MYT1L: variants seen among roughly 807,000 people sequenced by gnomAD.
MYT1L encodes the protein myelin transcription factor 1-like protein.
In MYT1L, 12 loss-of-function variants were observed where a neutral mutation model predicts 126.7. That is an observed-to-expected ratio of 0.09 (90% CI 0.06 to 0.15). The LOEUF is 0.15. Ranked by LOEUF, MYT1L falls within the 10% of genes least tolerant of loss-of-function variation. The pLI is 1.00. For missense variants in MYT1L, 979 were observed against 1,585.2 expected, an observed-to-expected ratio of 0.62 and a Z score of 6.49; for synonymous variants, 541 against 604.2, an observed-to-expected ratio of 0.90 and a Z score of 1.53.
intron 18 of MYT1L, among the ~76,000 whole-genome samples, chr2:1,877,949 G>A (rs1355274043): frequency 6.6e-6 from 1 of 152,156 alleles, no homozygotes; most frequent in Non-Finnish European, 1.5e-5. Context: ...GAGAAATATC[G>A]AAGATACAGG....
At chr2:1,905,722 C>A (rs2050965224) in intron 13 of MYT1L, among the ~76,000 whole-genome samples, 1 of 152,116 alleles carries the variant, frequency 6.6e-6, no homozygotes, top group African/African-American at 2.4e-5. Context: ...GCAAATATTG[C>A]CTGTACCTCT....
chr2:1,808,700 C>T (rs981951963), intron 22 of MYT1L, among the ~76,000 whole-genome samples: 3 of 152,106 alleles, frequency 2.0e-5, no homozygotes, highest in African/African-American at 7.2e-5. Context: ...GGGGTGCCAT[C>T]CTTGTTATCT....
chr2:2,276,011 G>T (rs913129439), intron 2 of MYT1L, among the ~76,000 whole-genome samples: 2 of 152,042 alleles, frequency 1.3e-5, no homozygotes, highest in Admixed American at 6.5e-5. Context: ...TGTGTTTGTT[G>T]CTTTATGGAG....
At chr2:2,141,454 A>G (rs533275528) in intron 3 of MYT1L, among the ~76,000 whole-genome samples, 207 of 152,220 alleles carry the variant, frequency 1.4e-3, no homozygotes, top group African/African-American at 4.7e-3. Flanking sequence ...ATCTCTATCT[A>G]TGTATTGCAT....
chr2:2,267,754 GC>G (rs2095169279), intron 2 of MYT1L, among the ~76,000 whole-genome samples: 1 of 152,128 alleles, frequency 6.6e-6, no homozygotes, highest in African/African-American at 2.4e-5. Flanking sequence ...GAAATATCCT[GC>G]AAGGAGGTGC....
intron 19 of MYT1L, among the ~76,000 whole-genome samples, chr2:1,844,529 C>T (rs1467379916): frequency 6.6e-6 from 1 of 152,178 alleles, no homozygotes; most frequent in Non-Finnish European, 1.5e-5. Flanking sequence ...TGAGCGGCCA[C>T]TTCCAGGTAT....
At chr2:2,100,781 A>G (rs1175108203) in intron 3 of MYT1L, among the ~76,000 whole-genome samples, 1 of 152,198 alleles carries the variant, frequency 6.6e-6, no homozygotes, top group African/African-American at 2.4e-5. Flanking sequence ...GGTCTCCTTA[A>G]TAAAATTTGG....
chr2:2,304,351 G>A (rs563087122), intron 1 of MYT1L, among the ~76,000 whole-genome samples: 1 of 152,186 alleles, frequency 6.6e-6, no homozygotes, highest in African/African-American at 2.4e-5. Flanking sequence ...GCTAGCTATT[G>A]GGATAAGAAG....
intron 3 of MYT1L, among the ~76,000 whole-genome samples, chr2:2,071,167 C>G (rs2074551160): frequency 6.6e-6 from 1 of 152,090 alleles, no homozygotes; most frequent in Non-Finnish European, 1.5e-5. Flanking sequence ...CCTCATAAAT[C>G]CTGACTAACT....
chr2:2,067,401 C>A (rs2074012470), intron 3 of MYT1L, among the ~76,000 whole-genome samples: 2 of 152,124 alleles, frequency 1.3e-5, no homozygotes, highest in South Asian at 4.1e-4. Flanking sequence ...ATTCTCACAT[C>A]ATATGCAAAG....
At chr2:2,087,565 T>C (rs1347064773) in intron 3 of MYT1L, among the ~76,000 whole-genome samples, 1 of 152,210 alleles carries the variant, frequency 6.6e-6, no homozygotes, top group Non-Finnish European at 1.5e-5. Flanking sequence ...TCATACAGCT[T>C]CGGCAAGGTT....
chr2:1,850,495 A>C (rs1256334502), intron 19 of MYT1L, among the ~76,000 whole-genome samples: 2 of 152,114 alleles, frequency 1.3e-5, no homozygotes, highest in Non-Finnish European at 2.9e-5. Context: ...GGTACATCTA[A>C]ACATGACTTC....
chr2:2,236,929 G>A (rs116700829), intron 2 of MYT1L, among the ~76,000 whole-genome samples: 5,327 of 151,126 alleles, frequency 0.035, 145 homozygotes, highest in Non-Finnish European at 0.049. Flanking sequence ...TTCTCGTGCC[G>A]CAGTCTCCCA....
At chr2:2,182,691 T>C (rs1436662202) in intron 2 of MYT1L, among the ~76,000 whole-genome samples, 1 of 152,184 alleles carries the variant, frequency 6.6e-6, no homozygotes, top group East Asian at 1.9e-4. Flanking sequence ...TCTTTTTCAT[T>C]TGGCCACTGT....
Position 1,887,037 on chromosome 2 carries a change from C to T in MYT1L, c.2643-430G>A. The T allele has an allele frequency of 4.9e-6, 2 of 405,754 alleles. No homozygotes were observed. Among genetic ancestry groups the T allele is most frequent in the Non-Finnish European group, 8.7e-6 (2 of 230,738 alleles). 25.1% of individuals were successfully genotyped at this position (405,754 alleles called of 1,614,324 possible). On this transcript the variant is annotated intron_variant, in intron 17 of 24. Coordinates refer to ENST00000647738, the MANE Select transcript of MYT1L (RefSeq NM_001303052.2). The surrounding 1 kb of genome is among the most constrained non-coding windows in gnomAD (Gnocchi z 4.8). Reference sequence around the variant, plus strand: ...AATAAATTGAAAAGACAGAATCCACCATGAGAAAAATGAAGTCACACCTTC... The same window carrying T: ...AATAAATTGAAAAGACAGAATCCACTATGAGAAAAATGAAGTCACACCTTC...
chr2:2,153,650 T>C (rs1251901223), intron 3 of MYT1L, among the ~76,000 whole-genome samples: 2 of 152,164 alleles, frequency 1.3e-5, no homozygotes, highest in Non-Finnish European at 2.9e-5. Flanking sequence ...AAAATGTCTA[T>C]TGGATTTGGA....
At chr2:2,168,009 A>G (rs1297766407) in intron 3 of MYT1L, among the ~76,000 whole-genome samples, 1 of 152,028 alleles carries the variant, frequency 6.6e-6, no homozygotes, top group Non-Finnish European at 1.5e-5. Context: ...TTAAAAAAAA[A>G]TAGGCATTTA....
chr2:2,201,193 G>T (rs1213269260), intron 2 of MYT1L, among the ~76,000 whole-genome samples: 1 of 152,132 alleles, frequency 6.6e-6, no homozygotes, highest in Non-Finnish European at 1.5e-5. Flanking sequence ...GAACTAAGCA[G>T]TTATATCAGC....
chr2:1,943,891 T>C lies in MYT1L; in HGVS notation c.153-557A>G, dbSNP rs2056937004. On this transcript the variant is annotated intron_variant, in intron 8 of 24. Coordinates refer to ENST00000647738, the MANE Select transcript of MYT1L (RefSeq NM_001303052.2). The surrounding 1 kb of genome is among the most constrained non-coding windows in gnomAD (Gnocchi z 4.4). ...CTGAAACAAGATGAGCCCTAGGGCT[T>C]GTCAATGTTGTATGAAAGCAACTGC... 6.6e-6 allele frequency among the ~76,000 whole-genome samples: 1 copy of C among 152,174 alleles called. No individual in the cohort carries two copies. The highest frequency in any genetic ancestry group is 1.5e-5 in the Non-Finnish European group (1 of 68,032).
Sources: allele counts gnomAD v4.1 joint callset (sites outside exome capture counted in the v4.1 genomes callset), GRCh38; gene constraint gnomAD v4.1.1; non-coding constraint Gnocchi (gnomAD v3.1); transcripts MANE v1.5; gene names NCBI Gene and HGNC (gene_info 2026-07-23, HGNC 2026-07-21).